The following DEPDC7 variants were observed in gnomAD, a reference collection of about 807,000 sequenced individuals.
The protein encoded by DEPDC7 is DEP domain-containing protein 7.
Under a neutral mutation model 56.6 loss-of-function variants are expected in DEPDC7, and 41 were observed. The observed-to-expected ratio is 0.72, with a 90% CI of 0.56 to 0.94. The LOEUF is 0.94. Among genes scored for constraint, DEPDC7 ranks in the 40% least tolerant of loss-of-function variants. The pLI, the probability that DEPDC7 is intolerant of heterozygous loss-of-function variation, is 0.00. For missense variants in DEPDC7, 522 were observed against 596.3 expected, an observed-to-expected ratio of 0.88 and a Z score of 1.30; for synonymous variants, 185 against 208.8, an observed-to-expected ratio of 0.89 and a Z score of 0.98.
At chr11:33,030,409 C>T (rs1317337786) in intron 4 of DEPDC7, among the ~76,000 whole-genome samples, 2 of 151,798 alleles carry the variant, frequency 1.3e-5, no homozygotes, top group African/African-American at 4.9e-5. Context: ...GTCCTGAGTC[C>T]ATGGCAGTAT....
Position 33,027,789 on chromosome 11 carries a change from A to T in DEPDC7, c.568A>T (p.Ile190Phe), listed in dbSNP as rs770361389. The change falls in exon 3 of 9, where the codon ATC (isoleucine) becomes TTC (phenylalanine). Residue 190 changes from isoleucine to phenylalanine, a missense_variant. Physicochemically the swap from Ile to Phe is conservative, Grantham distance 21 (BLOSUM62 0). Coordinates refer to ENST00000241051, the MANE Select transcript of DEPDC7 (RefSeq NM_001077242.2). ...LKPANSPHVNISATLSPQVIN... is the reference protein window; with the variant it reads ...LKPANSPHVNFSATLSPQVIN... ...GCCTGCCAACTCCCCTCATGTAAAT[A>T]TCTCTGCAACCTTGTCTCCACAAGG... is the stretch of plus-strand genomic sequence containing the variant. 3 of 1,577,146 alleles carry T rather than the reference A, an allele frequency of 1.9e-6. No individual in the cohort carries two copies. The highest frequency in any genetic ancestry group is 1.9e-5 in the Admixed American group (1 of 52,004).
chr11:33,018,313 G>A (rs1853485915), intron 1 of DEPDC7, among the ~76,000 whole-genome samples: 1 of 152,074 alleles, frequency 6.6e-6, no homozygotes, highest in African/African-American at 2.4e-5. Flanking sequence ...ATGAGGTTTT[G>A]GTTACTATCC....
Position 33,031,530 on chromosome 11 carries a change from G to C in DEPDC7, c.935G>C (p.Ser312Thr), listed in dbSNP as rs1199343789. Reference sequence around the variant, plus strand: ...GATGCCATTGGCAGATATTACAGTAGTAGGGAACCTCTGTTAAATCACTTA... The same window carrying C: ...GATGCCATTGGCAGATATTACAGTACTAGGGAACCTCTGTTAAATCACTTA... ...LFDAIGRYYS[S>T]REPLLNHLSD... Residue 312 changes from serine to threonine, a missense_variant, in exon 5 of 9, where the codon AGT (serine) becomes ACT (threonine). Coordinates refer to ENST00000241051, the MANE Select transcript of DEPDC7 (RefSeq NM_001077242.2). 6.2e-7 allele frequency: 1 copy of C among 1,614,184 alleles called. No individual in the cohort carries two copies. The highest frequency in any genetic ancestry group is 8.5e-7 in the Non-Finnish European group (1 of 1,179,994).
At chr11:33,019,130 T>A (rs1853496547) in intron 1 of DEPDC7, among the ~76,000 whole-genome samples, 1 of 152,202 alleles carries the variant, frequency 6.6e-6, no homozygotes, top group African/African-American at 2.4e-5. Flanking sequence ...TCTGCTGCGT[T>A]AACTCAAGTT....
intron 3 of DEPDC7, 101 bp from the exon 4 acceptor site, chr11:33,028,502 G>T: frequency 3.3e-6 from 3 of 896,880 alleles, no homozygotes; most frequent in Non-Finnish European, 4.8e-6. Context: ...CTTTCTTTTT[G>T]GCCACAAATT....
rs750263096 is a variant in DEPDC7, at chr11:33,033,456, G to A, written c.*1G>A. The A allele has an allele frequency of 2.6e-6, 4 of 1,544,412 alleles. No homozygotes were observed. Among genetic ancestry groups the A allele is most frequent in the South Asian group, 1.2e-5 (1 of 81,392 alleles). ...CTTTATTGAGCATTTTGGAGACTGA[G>A]TTTTTAATATCTGTATATAAGTTGT... On this transcript the variant is annotated 3_prime_UTR_variant, in exon 9 of 9. Transcript: ENST00000241051.
rs1428283764 is a variant in DEPDC7 at position 33,028,754 on chromosome 11, T to C, written c.744T>C (p.Tyr248=). The part of the protein sequence containing the change: ...RQSTMVNSSN[Y]LDRGILKAYS... ...CCACCATGGTCAACAGCAGTAACTA[T>C]CTGGATCGAGGGATTCTCAAGGCTT... The change falls in exon 4 of 9, where the codon TAT becomes TAC. Residue 248 remains tyrosine, a synonymous_variant. Coordinates refer to ENST00000241051, the MANE Select transcript of DEPDC7 (RefSeq NM_001077242.2). The C allele has an allele frequency of 2.4e-5, 39 of 1,612,996 alleles. No homozygotes were observed. The highest frequency in any genetic ancestry group is 1.6e-4 in the Middle Eastern group (1 of 6,078).
At chr11:33,023,195 A>C (rs1266591459) in intron 1 of DEPDC7, among the ~76,000 whole-genome samples, 1 of 150,894 alleles carries the variant, frequency 6.6e-6, no homozygotes, top group East Asian at 1.9e-4. Flanking sequence ...ACGCCACTGC[A>C]CTCCAGCCTG....
At position 33,015,878 on chromosome 11, in the gene DEPDC7, A is replaced by T; in HGVS notation, c.-78A>T. The stretch of plus-strand genomic sequence containing the variant: ...GGGCCTGCAGGGAGCCACGCCCCGC[A>T]CAGTTAACAGACGGGCGCTCAGGGA... On this transcript the variant is annotated 5_prime_UTR_variant, in exon 1 of 9. Coordinates refer to ENST00000241051, the MANE Select transcript of DEPDC7 (RefSeq NM_001077242.2). 1 of 1,400,954 alleles carries T rather than the reference A, an allele frequency of 7.1e-7. No individual in the cohort carries two copies. The highest frequency in any genetic ancestry group is 1.3e-5 in the South Asian group (1 of 76,118). The allele number at this position is 1,400,954 out of a possible 1,614,324, so 86.8% of individuals were successfully genotyped here. A position where few individuals can be genotyped will look rare whatever the true frequency, so the allele number is the denominator to read the frequency against.
In DEPDC7 at chr11:33,031,514, G is replaced by A. The variant is rs1260001047; in HGVS notation, c.919G>A (p.Gly307Ser). ...GAAAGAACTTCTGTTTGATGCCATT[G>A]GCAGATATTACAGTAGTAGGGAACC... ...LVKELLFDAI[G>S]RYYSSREPLL... Residue 307 changes from glycine (G) to serine (S), a missense_variant, in exon 5 of 9, where the codon GGC (glycine) becomes AGC (serine). Physicochemically the swap from Gly to Ser is moderately conservative, Grantham distance 56. Coordinates refer to ENST00000241051, the MANE Select transcript of DEPDC7 (RefSeq NM_001077242.2). 6.2e-7 allele frequency: 1 copy of A among 1,614,014 alleles called. No homozygotes were observed. The highest frequency in any genetic ancestry group is 1.3e-5 in the African/African-American group (1 of 74,914).
Position 33,031,375 on chromosome 11 carries a change from T to C in DEPDC7, c.783-3T>C, listed in dbSNP as rs768696335. ...TTAAATAATCTTCCCCTCTCCCCTA[T>C]AGGGAAGATGAGTGGCTCTCGGCAG... On this transcript the variant is annotated splice_polypyrimidine_tract_variant and splice_region_variant and intron_variant, in intron 4 of 8. Transcript: ENST00000241051. 42 of 1,609,786 alleles carry C rather than the reference T, an allele frequency of 2.6e-5. No homozygotes were observed. Among genetic ancestry groups the C allele is most frequent in the Non-Finnish European group, 3.0e-5 (35 of 1,176,152 alleles).
At chr11:33,019,928 A>C (rs1292148882) in intron 1 of DEPDC7, among the ~76,000 whole-genome samples, 1 of 151,336 alleles carries the variant, frequency 6.6e-6, no homozygotes, top group East Asian at 1.9e-4. Context: ...AATGGAAACA[A>C]ATTTGTTATA....
intron 1 of DEPDC7, among the ~76,000 whole-genome samples, chr11:33,024,309 C>T (rs1853552216): frequency 6.6e-6 from 1 of 152,178 alleles, no homozygotes; most frequent in Non-Finnish European, 1.5e-5. Flanking sequence ...GTCATAAGCT[C>T]CTATAGGGCA....
chr11:33,029,205 A>G (rs913443600), intron 4 of DEPDC7, among the ~76,000 whole-genome samples: 7 of 151,374 alleles, frequency 4.6e-5, no homozygotes, highest in Admixed American at 3.3e-4. Context: ...TGTATTAAAG[A>G]AATACAATAA....
At chr11:33,025,339 A>T (rs914221046) in intron 1 of DEPDC7, among the ~76,000 whole-genome samples, 2 of 152,082 alleles carry the variant, frequency 1.3e-5, no homozygotes, top group Non-Finnish European at 2.9e-5. Flanking sequence ...TCTTTATCTT[A>T]TCCAGCTTTA....
At chr11:33,029,782 C>T (rs544004425) in intron 4 of DEPDC7, among the ~76,000 whole-genome samples, 1 of 152,342 alleles carries the variant, frequency 6.6e-6, no homozygotes, top group South Asian at 2.1e-4. Flanking sequence ...AATACAATTA[C>T]ATTTTCAGTA....
intron 4 of DEPDC7, among the ~76,000 whole-genome samples, chr11:33,030,046 G>A (rs1353771035): frequency 6.6e-6 from 1 of 151,956 alleles, no homozygotes; most frequent in African/African-American, 2.4e-5. Context: ...TGCAGCCTCC[G>A]CCTCCCGGGT....
At chr11:33,027,663 T>C (rs1853592484) in intron 2 of DEPDC7, 23 bp from the exon 3 acceptor site, 1 of 1,471,854 alleles carries the variant, frequency 6.8e-7, no homozygotes, top group South Asian at 1.5e-5. Context: ...TAAATGTTCA[T>C]TTCTGAAATA....
intron 1 of DEPDC7, among the ~76,000 whole-genome samples, chr11:33,024,624 G>T (rs907750379): frequency 7.9e-5 from 12 of 152,302 alleles, no homozygotes; most frequent in Admixed American, 1.3e-4. Flanking sequence ...CAAACCTGCA[G>T]AGCTATACTG....
Sources: gnomAD v4.1 joint callset for allele counts (sites outside exome capture counted in the v4.1 genomes callset) on GRCh38, gnomAD v4.1.1 for gene constraint, MANE v1.5 for transcripts, NCBI Gene and HGNC (gene_info 2026-07-23, HGNC 2026-07-21) for gene names.